MEGF6: variants seen among roughly 807,000 people sequenced by gnomAD.
MEGF6 encodes multiple epidermal growth factor-like domains protein 6.
In MEGF6, 184 loss-of-function variants were observed where a neutral mutation model predicts 207.1. The ratio of observed to expected loss-of-function variants is 0.89; its 90% CI spans 0.79 to 1.00. The LOEUF is 1.00. Among genes scored for constraint, MEGF6 ranks in the 50% least tolerant of loss-of-function variants. The pLI, the probability that MEGF6 is intolerant of heterozygous loss-of-function variation, is 0.00. For missense variants in MEGF6, 2,282 were observed against 2,202.9 expected, an observed-to-expected ratio of 1.04 and a Z score of -0.72; for synonymous variants, 1,038 against 910.0, an observed-to-expected ratio of 1.14 and a Z score of -2.53.
intron 14 of MEGF6, among the ~76,000 whole-genome samples, chr1:3,506,469 G>A (rs1007469132): frequency 7.9e-5 from 12 of 152,192 alleles, no homozygotes; most frequent in African/African-American, 2.4e-4. Context: ...CACATTCCTC[G>A]GCCCACACTG....
chr1:3,547,604 C>T (rs1395937206), intron 4 of MEGF6, among the ~76,000 whole-genome samples: 1 of 152,162 alleles, frequency 6.6e-6, no homozygotes, highest in African/African-American at 2.4e-5. Context: ...CTTCGGACAG[C>T]CCCAGGCCCC....
At chr1:3,544,217 TCA>T (rs1339678601) in intron 4 of MEGF6, among the ~76,000 whole-genome samples, 1 of 150,670 alleles carries the variant, frequency 6.6e-6, no homozygotes, top group African/African-American at 2.5e-5. Context: ...CGCAGCGGCA[TCA>T]GGCTAACCCT....
chr1:3,505,413 T>C lies in MEGF6; in HGVS notation c.2053+9A>G. 8 of 1,561,640 alleles carry C rather than the reference T, an allele frequency of 5.1e-6. No homozygotes were observed. Among genetic ancestry groups the C allele is most frequent in the Non-Finnish European group, 7.0e-6 (8 of 1,148,866 alleles). ...GCCCCCCGCCCCCAGACCCCATGCC[T>C]GGACTCACCTGCCTGACAGCGCTCG... On this transcript the variant is annotated intron_variant, in intron 16 of 36. Transcript: ENST00000356575.
In MEGF6 at chr1:3,498,488, G is replaced by A. The variant is rs556685199; in HGVS notation, c.3235C>T (p.Arg1079Trp). ...GLACEKECLP[R>W]DVRAGCRHSG... Reference sequence around the variant, plus strand: ...TGCCGGCAGCCAGCTCTGACGTCCCGGGGGAGGCACTCTACAGGAGCAGAG... The same window carrying A: ...TGCCGGCAGCCAGCTCTGACGTCCCAGGGGAGGCACTCTACAGGAGCAGAG... Residue 1079 changes from arginine (R) to tryptophan (W), a missense_variant, in exon 26 of 37, where the codon CGG becomes TGG. Arg to Trp is a moderately radical substitution (Grantham distance 101). Transcript: ENST00000356575. 48 of 1,576,948 alleles carry A rather than the reference G, an allele frequency of 3.0e-5. No individual in the cohort carries two copies. The highest frequency in any genetic ancestry group is 1.7e-4 in the Middle Eastern group (1 of 6,002).
chr1:3,511,713 T>A, intron 8 of MEGF6, 26 bp from the exon 9 acceptor site: 1 of 1,591,070 alleles, frequency 6.3e-7, no homozygotes, highest in South Asian at 1.1e-5. Flanking sequence ...CCACCCAGGG[T>A]ATGGGATGGC....
intron 4 of MEGF6, among the ~76,000 whole-genome samples, chr1:3,572,211 TGAGTGTGCTAGGTCCTTCCC>T (rs1643520587): frequency 7.9e-6 from 1 of 126,954 alleles, no homozygotes; most frequent in African/African-American, 3.0e-5. Flanking sequence ...GGGTCCTTCC[TGAGTGTGCTAGGTCCTTCCC>T]GAGTGTGCTG....
intron 4 of MEGF6, among the ~76,000 whole-genome samples, chr1:3,575,213 C>A (rs1361055268): frequency 6.6e-6 from 1 of 152,232 alleles, no homozygotes; most frequent in Non-Finnish European, 1.5e-5. Context: ...TCCACGCTTG[C>A]CAGAGCAGCG....
At chr1:3,596,784 G>A (rs966024976) in intron 2 of MEGF6, among the ~76,000 whole-genome samples, 1 of 151,790 alleles carries the variant, frequency 6.6e-6, no homozygotes, top group African/African-American at 2.4e-5. Context: ...AGTCTTGGCA[G>A]AGCATTTGGC....
intron 17 of MEGF6, among the ~76,000 whole-genome samples, chr1:3,504,054 G>A (rs1641008903): frequency 6.6e-6 from 1 of 152,154 alleles, no homozygotes; most frequent in African/African-American, 2.4e-5. Flanking sequence ...AGGTGGGGAG[G>A]GGAAGGGCCC....
At chr1:3,606,380 C>T (rs996740200) in intron 1 of MEGF6, among the ~76,000 whole-genome samples, 5 of 152,240 alleles carry the variant, frequency 3.3e-5, no homozygotes, top group Non-Finnish European at 7.3e-5. Flanking sequence ...AAGCTTGTAA[C>T]CCCAGGCCTA....
intron 1 of MEGF6, among the ~76,000 whole-genome samples, chr1:3,610,166 T>G (rs944253547): frequency 1.3e-5 from 2 of 152,254 alleles, no homozygotes; most frequent in Admixed American, 1.3e-4. Flanking sequence ...CTCCACTTTC[T>G]GGAGTAAAGC....
Position 3,494,008 on chromosome 1 carries a change from A to T in MEGF6, c.4246T>A (p.Phe1416Ile). 6.2e-7 allele frequency: 1 copy of T among 1,603,172 alleles called. No individual in the cohort carries two copies. Among genetic ancestry groups the T allele is most frequent in the Non-Finnish European group, 8.5e-7 (1 of 1,175,912 alleles). ...ACCAAGCACTCACCCCTCTCACAGAAGTGGCCGTGGAAGCCGGCAGGGCAG... is the reference window on the plus strand; with the variant it reads ...ACCAAGCACTCACCCCTCTCACAGATGTGGCCGTGGAAGCCGGCAGGGCAG... ...CLCPAGFHGHFCERGCEPGSF... is the reference protein window; with the variant it reads ...CLCPAGFHGHICERGCEPGSF... Residue 1416 changes from phenylalanine (F) to isoleucine (I), a missense_variant, in exon 33 of 37, where the codon TTC becomes ATC. Transcript: ENST00000356575.
In MEGF6 at chr1:3,509,056, G is replaced by T. The variant is rs1462145877; in HGVS notation, c.1528+19C>A. ...TGGCCCTGCGAGCAGGAGCCCCCGG[G>T]GGCTGGGCCCGCGCTCACCAAACTT... On this transcript the variant is annotated intron_variant, in intron 12 of 36. Coordinates refer to ENST00000356575, the MANE Select transcript of MEGF6 (RefSeq NM_001409.4). The T allele has an allele frequency of 6.5e-7, 1 of 1,530,924 alleles. No homozygotes were observed. The highest frequency in any genetic ancestry group is 8.8e-7 in the Non-Finnish European group (1 of 1,141,104). The allele number at this position is 1,530,924 out of a possible 1,614,324, so 94.8% of individuals were successfully genotyped here. A position where few individuals can be genotyped will look rare whatever the true frequency, so the allele number is the denominator to read the frequency against.
intron 3 of MEGF6, among the ~76,000 whole-genome samples, chr1:3,583,358 GCGCAGCCACCAGACAACC>G (rs1557794810): frequency 2.5e-4 from 17 of 67,064 alleles, no homozygotes; most frequent in Admixed American, 5.8e-4. Flanking sequence ...ACCAGACAAC[GCGCAGCCACCAGACAACC>G]CACAGCCACC....
chr1:3,612,893 AC>A (rs1000558524), upstream of MEGF6, among the ~76,000 whole-genome samples: 50 of 152,212 alleles, frequency 3.3e-4, no homozygotes, highest in African/African-American at 1.2e-3. Flanking sequence ...CCTTGCTGTC[AC>A]CCCAGCTTTA....
At chr1:3,501,642 C>A (rs148646282) in intron 18 of MEGF6, among the ~76,000 whole-genome samples, 154 bp downstream of exon 18, 1 of 152,098 alleles carries the variant, frequency 6.6e-6, no homozygotes, top group African/African-American at 2.4e-5. Flanking sequence ...CACAGACCCC[C>A]CCTCCCTACC....
rs1349131477 is a variant in MEGF6 at position 3,494,078 on chromosome 1, C to G, written c.4176G>C (p.Trp1392Cys). The G allele has an allele frequency of 1.3e-6, 2 of 1,596,298 alleles. No homozygotes were observed. Among genetic ancestry groups the G allele is most frequent in the African/African-American group, 1.3e-5 (1 of 74,526 alleles). Residue 1392 changes from tryptophan (W) to cysteine (C), a missense_variant, in exon 33 of 37, where the codon TGG (tryptophan) becomes TGC (cysteine). Transcript: ENST00000356575. Reference sequence around the variant, plus strand: ...GGTCGCAGGGGGCTCCATGTTGACACCAGCACAACCCCTGGCAGCCAGCCC... The same window carrying G: ...GGTCGCAGGGGGCTCCATGTTGACAGCAGCACAACCCCTGGCAGCCAGCCC... ...FHGAGCQGLC[W>C]CQHGAPCDPI... is the part of the protein sequence containing the mutation.
intron 4 of MEGF6, among the ~76,000 whole-genome samples, chr1:3,530,306 A>G (rs1642106608): frequency 6.6e-6 from 1 of 152,184 alleles, no homozygotes; most frequent in Admixed American, 6.5e-5. Flanking sequence ...CACTCGAAAC[A>G]GCTAAGGAGG....
rs868748022 is a variant in MEGF6, at chr1:3,565,993, T to C, written c.481+13832A>G. Among the ~76,000 whole-genome samples the C allele has an allele frequency of 1.3e-5, 2 of 152,184 alleles. No homozygotes were observed. Among genetic ancestry groups the C allele is most frequent in the African/African-American group, 4.8e-5 (2 of 41,444 alleles). On this transcript the variant is annotated intron_variant, in intron 4 of 36. Transcript: ENST00000356575. This position sits in a 1 kb window ranked among gnomAD's most constrained non-coding sequence, Gnocchi z 4.8. ...ACTGCCCTGCAGGTTCATAGAGCCC[T>C]GATCCCACCACGGTGGGTGACCTCC... is the stretch of plus-strand genomic sequence containing the variant.
Sources: gnomAD v4.1 joint callset for allele counts (sites outside exome capture counted in the v4.1 genomes callset) on GRCh38, gnomAD v4.1.1 for gene constraint, Gnocchi (gnomAD v3.1) non-coding constraint, MANE v1.5 for transcripts, NCBI Gene and HGNC (gene_info 2026-07-23, HGNC 2026-07-21) for gene names.